OPCML: variants seen among roughly 807,000 people sequenced by gnomAD.
OPCML encodes the protein opioid-binding protein/cell adhesion molecule.
OPCML carries 13 observed loss-of-function variants against 37.8 expected under a neutral mutation model. The observed-to-expected ratio is 0.34, with a 90% confidence interval of 0.22 to 0.55. The LOEUF (loss-of-function observed/expected upper bound fraction) is 0.55. Ranked by LOEUF, OPCML falls within the 20% of genes least tolerant of loss-of-function variation. The pLI is 0.91. For synonymous variants in OPCML, 176 were observed against 168.8 expected (o/e 1.04, Z -0.33); for missense variants, 341 against 435.6 (o/e 0.78, Z 1.93).
chr11:133,440,000 G>C (rs374259341), intron 1 of OPCML, among the ~76,000 whole-genome samples: 26 of 152,310 alleles, frequency 1.7e-4, no homozygotes, highest in African/African-American at 5.3e-4. Context: ...AATAAAAGTT[G>C]AAAAGCATTT....
intron 1 of OPCML, among the ~76,000 whole-genome samples, chr11:133,187,968 G>A (rs1456077001): frequency 6.6e-6 from 1 of 152,156 alleles, no homozygotes; most frequent in Non-Finnish European, 1.5e-5. Flanking sequence ...CACTCCTGGT[G>A]CGTGATGCTG....
rs111250243 is a variant in OPCML at position 133,201,798 on chromosome 11, A to T, written c.62-258788T>A. Among the ~76,000 whole-genome samples the T allele has an allele frequency of 8.1e-3, 1,241 of 152,274 alleles. 18 individuals carry two copies. The highest frequency in any genetic ancestry group is 0.028 in the African/African-American group (1,176 of 41,546). On this transcript the variant is annotated intron_variant, in intron 1 of 7. Coordinates refer to ENST00000524381, the MANE Select transcript of OPCML (RefSeq NM_001012393.5). ...ACTGGCTAAAGCCACTATGTCTGAGAAATAGGGTTGGAGGTCTCTGCCTGC... is the reference window on the plus strand; with the variant it reads ...ACTGGCTAAAGCCACTATGTCTGAGTAATAGGGTTGGAGGTCTCTGCCTGC...
At chr11:133,411,308 C>G (rs60626444) in intron 1 of OPCML, among the ~76,000 whole-genome samples, 13,756 of 152,214 alleles carry the variant, frequency 0.09, 1,818 homozygotes, top group African/African-American at 0.29. Flanking sequence ...AAGTGGATGT[C>G]ACACTTTTTC....
In OPCML at chr11:133,411,249, CA is replaced by C. The variant is rs1369965624; in HGVS notation, c.61+121014del. Among the ~76,000 whole-genome samples the C allele has an allele frequency of 1.7e-4, 26 of 152,244 alleles. 1 individual carries two copies. Among genetic ancestry groups the C allele is most frequent in the Admixed American group, 1.7e-3 (26 of 15,294 alleles). On this transcript the variant is annotated intron_variant, in intron 1 of 7. Transcript: ENST00000524381. ...ACTGGGAAGTACACATGAGAGAGCT[CA>C]GGGGGGTACAGGCTTAAACTTGGAT... is the stretch of plus-strand genomic sequence containing the variant.
rs555868392 is a variant in OPCML, at chr11:133,260,652, C to T, written c.61+271612G>A. 1.4e-3 allele frequency among the ~76,000 whole-genome samples: 218 copies of T among 152,152 alleles called. 5 individuals carry two copies. The highest frequency in any genetic ancestry group is 0.01 in the Middle Eastern group (3 of 294). On this transcript the variant is annotated intron_variant, in intron 1 of 7. Coordinates refer to ENST00000524381, the MANE Select transcript of OPCML (RefSeq NM_001012393.5). Reference sequence around the variant, plus strand: ...GGATAATCCATTTGAAACCTCAAGGCCCAGGCAGAAGGAAACTAAAAATTA... The same window carrying T: ...GGATAATCCATTTGAAACCTCAAGGTCCAGGCAGAAGGAAACTAAAAATTA...
At chr11:133,040,886 C>T (rs770547095) in intron 1 of OPCML, among the ~76,000 whole-genome samples, 4 of 152,188 alleles carry the variant, frequency 2.6e-5, no homozygotes, top group South Asian at 2.1e-4. Context: ...TTAAAAGCAA[C>T]GATACCTGTA....
intron 1 of OPCML, among the ~76,000 whole-genome samples, chr11:133,070,463 A>C (rs1205669857): frequency 6.6e-6 from 1 of 152,142 alleles, no homozygotes; most frequent in African/African-American, 2.4e-5. Context: ...GAGAAAGTGA[A>C]TGCTGACTTC....
chr11:132,827,798 C>T (rs561182723), intron 2 of OPCML, among the ~76,000 whole-genome samples: 1 of 143,206 alleles, frequency 7.0e-6, no homozygotes, highest in South Asian at 2.2e-4. Context: ...TGCCACCACG[C>T]CTGGCTGAAT....
At chr11:133,085,372 CTG>C (rs1295716252) in intron 1 of OPCML, among the ~76,000 whole-genome samples, 17 of 152,212 alleles carry the variant, frequency 1.1e-4, no homozygotes, top group Admixed American at 1.3e-4. Flanking sequence ...ACACACAGCT[CTG>C]TGTTTTAATT....
intron 1 of OPCML, among the ~76,000 whole-genome samples, chr11:133,510,869 T>C (rs959836894): frequency 2.0e-5 from 3 of 151,304 alleles, no homozygotes; most frequent in Non-Finnish European, 4.4e-5. Flanking sequence ...TTACATGTCA[T>C]TGATATGCCA....
chr11:133,254,953 G>A (rs1013900005), intron 1 of OPCML, among the ~76,000 whole-genome samples: 3 of 152,140 alleles, frequency 2.0e-5, no homozygotes, highest in South Asian at 2.1e-4. Flanking sequence ...CCAAATAAGA[G>A]GCAGGAAAGC....
intron 3 of OPCML, among the ~76,000 whole-genome samples, chr11:132,655,217 A>T (rs763597882): frequency 6.6e-6 from 1 of 152,176 alleles, no homozygotes; most frequent in African/African-American, 2.4e-5. Context: ...TCGGTGCCAC[A>T]TTTCCTGAAT....
intron 2 of OPCML, among the ~76,000 whole-genome samples, chr11:132,872,553 CT>C (rs1942847571): frequency 9.2e-5 from 14 of 152,098 alleles, no homozygotes; most frequent in Admixed American, 9.2e-4. Context: ...TTTCCAGTGC[CT>C]ACGGAACCCA....
chr11:132,895,371 C>T (rs1319144781), intron 2 of OPCML, among the ~76,000 whole-genome samples: 26 of 152,204 alleles, frequency 1.7e-4, no homozygotes, highest in Admixed American at 1.6e-3. Flanking sequence ...ATTCCATTTC[C>T]TGCCCCAGCT....
At chr11:132,626,889 T>C (rs961041689) in intron 3 of OPCML, among the ~76,000 whole-genome samples, 11 of 150,776 alleles carry the variant, frequency 7.3e-5, no homozygotes, top group African/African-American at 2.7e-4. Flanking sequence ...TACATATACA[T>C]ATATGTTTTA....
At chr11:133,263,574 C>T (rs1164809092) in intron 1 of OPCML, among the ~76,000 whole-genome samples, 1 of 152,102 alleles carries the variant, frequency 6.6e-6, no homozygotes, top group Admixed American at 6.6e-5. Context: ...TCCAACAGTG[C>T]ATTTCTTGGA....
At chr11:132,852,470 T>G (rs1233140385) in intron 2 of OPCML, among the ~76,000 whole-genome samples, 11 of 152,152 alleles carry the variant, frequency 7.2e-5, no homozygotes, top group Non-Finnish European at 1.5e-4. Flanking sequence ...ATTTCCCTTT[T>G]TCATTGTGTT....
At chr11:133,158,739 A>AAAT in intron 1 of OPCML, among the ~76,000 whole-genome samples, 1 of 150,810 alleles carries the variant, frequency 6.6e-6, no homozygotes, top group Admixed American at 6.6e-5. Context: ...AAATAAAATA[A>AAAT]AATAAAATAA....
rs146599511 is a variant in OPCML, at chr11:132,515,253, T to A, written c.505+13808A>T. 5.4e-3 allele frequency among the ~76,000 whole-genome samples: 814 copies of A among 151,818 alleles called. 9 individuals are homozygous for A. Among genetic ancestry groups the A allele is most frequent in the African/African-American group, 0.019 (774 of 41,410 alleles). On this transcript the variant is annotated intron_variant, in intron 4 of 7. Transcript: ENST00000524381. ...CTCTCACCATTAAGGGATTCTGGAGTGGGAAAATTTGATAGAATAAGAAAA... is the reference window on the plus strand; with the variant it reads ...CTCTCACCATTAAGGGATTCTGGAGAGGGAAAATTTGATAGAATAAGAAAA...
Sources: allele counts gnomAD v4.1 joint callset (sites outside exome capture counted in the v4.1 genomes callset), GRCh38; gene constraint gnomAD v4.1.1; transcripts MANE v1.5; gene names NCBI Gene and HGNC (gene_info 2026-07-23, HGNC 2026-07-21).